Variants in AASS observed in about 807,000 individuals in gnomAD.
AASS encodes the protein aminoadipate-semialdehyde synthase, also known as alpha-aminoadipic semialdehyde synthase, mitochondrial.
In AASS, 86 loss-of-function variants were observed where a neutral mutation model predicts 105.4. The ratio of observed to expected loss-of-function variants is 0.82; its 90% confidence interval spans 0.69 to 0.98. AASS has a LOEUF of 0.98. AASS is among the 50% of genes least tolerant of loss of function. AASS has a pLI of 0.00. For missense variants in AASS, 1,048 were observed against 1,143.2 expected (o/e 0.92, Z 1.20); for synonymous variants, 381 against 394.8 (o/e 0.96, Z 0.41).
At position 122,075,163 on chromosome 7, in the gene AASS, C is replaced by T. The variant is rs1446454071; in HGVS notation, c.*1326G>A. On this transcript the variant is annotated 3_prime_UTR_variant, in exon 24 of 24. Coordinates refer to ENST00000417368, the MANE Select transcript of AASS (RefSeq NM_005763.4). ...TGTTGGGATTACAGGCACAAGCCAC[C>T]AAGCTTGACCATTGTTGAAAATTAA... Among the ~76,000 whole-genome samples, 1 of 152,186 alleles carries T rather than the reference C, an allele frequency of 6.6e-6. No homozygotes were observed. The highest frequency in any genetic ancestry group is 2.4e-5 in the African/African-American group (1 of 41,424).
chr7:122,083,352 A>G lies in AASS; in HGVS notation c.2185-1757T>C, dbSNP rs954199886. ...GAGATCCCTTTATCCAACATCTAAA[A>G]TACTGATTTCTGAGCTATTTATTAA... On this transcript the variant is annotated intron_variant, in intron 19 of 23. Coordinates refer to ENST00000417368, the MANE Select transcript of AASS (RefSeq NM_005763.4). 6.5e-4 allele frequency among the ~76,000 whole-genome samples: 99 copies of G among 152,288 alleles called. 1 individual carries two copies. Among genetic ancestry groups the G allele is most frequent in the African/African-American group, 2.3e-3 (94 of 41,566 alleles).
At chr7:122,136,884 T>G (rs939996082) in intron 1 of AASS, among the ~76,000 whole-genome samples, 7 of 152,280 alleles carry the variant, frequency 4.6e-5, no homozygotes, top group African/African-American at 1.7e-4. Context: ...CCACCTTCTT[T>G]GTCTGGGATA....
intron 12 of AASS, 88 bp from the exon 13 acceptor site, chr7:122,101,526 A>ATG: frequency 6.8e-7 from 1 of 1,476,840 alleles, no homozygotes; most frequent in Non-Finnish European, 9.5e-7. Flanking sequence ...AAAAGACAGA[A>ATG]TGACAAAGAT....
intron 18 of AASS, among the ~76,000 whole-genome samples, chr7:122,089,361 G>C (rs969886157): frequency 4.9e-4 from 74 of 152,080 alleles, no homozygotes; most frequent in Non-Finnish European, 1.0e-4. Context: ...TCATCCACAA[G>C]AGGAAACGCA....
Position 122,093,064 on chromosome 7 carries a change from T to C in AASS, c.1750A>G (p.Lys584Glu), listed in dbSNP as rs1191308904. 6.2e-7 allele frequency: 1 copy of C among 1,613,938 alleles called. No homozygotes were observed. Residue 584 changes from lysine (K) to glutamate (E), a missense_variant, in exon 16 of 24, where the codon AAA (lysine) becomes GAA (glutamate). Coordinates refer to ENST00000417368, the MANE Select transcript of AASS (RefSeq NM_005763.4). The stretch of plus-strand genomic sequence containing the variant: ...AAAACTTACCTCTTTTCCAATTCTT[T>C]TAGTGCTGGTGTGATGTAGCTTGCA... ...VTASYITPALKELEKSVEDAG... is the reference protein window; with the variant it reads ...VTASYITPALEELEKSVEDAG...
At chr7:122,080,362 A>G (rs1793251760) in intron 20 of AASS, among the ~76,000 whole-genome samples, 2 of 152,176 alleles carry the variant, frequency 1.3e-5, no homozygotes, top group Admixed American at 6.5e-5. Flanking sequence ...TGGTTTATGT[A>G]TCGTCTATGG....
At chr7:122,085,555 T>C (rs1793581841) in intron 19 of AASS, among the ~76,000 whole-genome samples, 3 of 152,106 alleles carry the variant, frequency 2.0e-5, no homozygotes, top group Admixed American at 2.0e-4. Context: ...CCAAAGTAGA[T>C]GGGCACATTT....
intron 15 of AASS, among the ~76,000 whole-genome samples, chr7:122,094,079 T>C (rs1333468718): frequency 3.3e-5 from 5 of 151,898 alleles, no homozygotes; most frequent in Non-Finnish European, 7.4e-5. Context: ...CAATAGACAC[T>C]GAGGACTACA....
chr7:122,128,081 T>C (rs1475316747), intron 3 of AASS, among the ~76,000 whole-genome samples: 1 of 152,172 alleles, frequency 6.6e-6, no homozygotes, highest in Non-Finnish European at 1.5e-5. Context: ...CTGCTCTCCT[T>C]TTTTCATATT....
At chr7:122,131,756 G>T (rs1297029625) in intron 2 of AASS, among the ~76,000 whole-genome samples, 1 of 151,956 alleles carries the variant, frequency 6.6e-6, no homozygotes. Context: ...TATAATAAAA[G>T]AAAACAAGTC....
intron 15 of AASS, among the ~76,000 whole-genome samples, chr7:122,096,401 G>T (rs759583337): frequency 2.5e-4 from 38 of 152,070 alleles, no homozygotes; most frequent in Non-Finnish European, 4.7e-4. Context: ...GAGAGGCTGA[G>T]GCAAGTAGAT....
chr7:122,090,000 G>A (rs1172537399), intron 18 of AASS, among the ~76,000 whole-genome samples: 2 of 152,152 alleles, frequency 1.3e-5, no homozygotes, highest in Non-Finnish European at 2.9e-5. Flanking sequence ...GCATGTAAAA[G>A]GATGTGTGCT....
intron 21 of AASS, chr7:122,079,203 T>G: frequency 7.2e-7 from 1 of 1,397,476 alleles, no homozygotes; most frequent in Admixed American, 2.9e-5. Context: ...TCCCATGTTC[T>G]TACAAAGATC....
intron 15 of AASS, among the ~76,000 whole-genome samples, chr7:122,096,844 T>C (rs1794177979): frequency 6.6e-6 from 1 of 152,088 alleles, no homozygotes; most frequent in African/African-American, 2.4e-5. Flanking sequence ...TCACATTTTA[T>C]TTCAGATTCT....
intron 4 of AASS, among the ~76,000 whole-genome samples, chr7:122,120,275 T>C (rs1795382678): frequency 6.6e-6 from 1 of 152,170 alleles, no homozygotes. Flanking sequence ...TACTTAAGTT[T>C]TCAATTTCTT....
intron 1 of AASS, among the ~76,000 whole-genome samples, chr7:122,134,367 A>G (rs1209650049): frequency 6.6e-6 from 1 of 152,144 alleles, no homozygotes; most frequent in South Asian, 2.1e-4. Flanking sequence ...TCACATGATC[A>G]TATTTATTTA....
chr7:122,114,548 C>A (rs1362128463), intron 9 of AASS, among the ~76,000 whole-genome samples: 1 of 152,074 alleles, frequency 6.6e-6, no homozygotes, highest in African/African-American at 2.4e-5. Flanking sequence ...AAAGAGACCC[C>A]CTATCCTCAA....
intron 21 of AASS, 116 bp from the exon 22 acceptor site, chr7:122,079,066 C>T (rs1793181255): frequency 1.9e-6 from 3 of 1,589,112 alleles, no homozygotes; most frequent in African/African-American, 1.3e-5. Flanking sequence ...AAGGTGGTAA[C>T]TCAAGTTGTA....
intron 2 of AASS, among the ~76,000 whole-genome samples, chr7:122,133,151 G>A (rs1223655550): frequency 6.6e-6 from 1 of 152,076 alleles, no homozygotes; most frequent in South Asian, 2.1e-4. Context: ...ATAGGAATGA[G>A]TCAAACCTAT....
Sources: gnomAD v4.1 joint callset for allele counts (sites outside exome capture counted in the v4.1 genomes callset) on GRCh38, gnomAD v4.1.1 for gene constraint, MANE v1.5 for transcripts, NCBI Gene and HGNC (gene_info 2026-07-23, HGNC 2026-07-21) for gene names.